The following TAAR5 variants were observed in gnomAD, a reference collection of about 807,000 sequenced individuals.
TAAR5 encodes trace amine-associated receptor 5.
TAAR5 carries 27 observed loss-of-function variants against 21.1 expected under a neutral mutation model. The observed-to-expected ratio is 1.28, with a 90% CI of 0.94 to 1.76. TAAR5 has a LOEUF of 1.76. Ranked by LOEUF, TAAR5 falls within the 40% of genes most tolerant of loss-of-function variation. The pLI, the probability that TAAR5 is intolerant of heterozygous loss-of-function variation, is 0.00. For synonymous variants in TAAR5, 203 were observed against 167.5 expected, an observed-to-expected ratio of 1.21 and a Z score of -1.64; for missense variants, 495 against 405.6, an observed-to-expected ratio of 1.22 and a Z score of -1.89.
the TAAR5 span, among the ~76,000 whole-genome samples, chr6:132,605,460 G>T: frequency 6.6e-6 from 1 of 152,218 alleles, no homozygotes; most frequent in East Asian, 1.9e-4. Flanking sequence ...ATTACTGCAC[G>T]CCTATCTAGG....
the TAAR5 span, among the ~76,000 whole-genome samples, chr6:132,601,075 AGGAG>A: frequency 7.5e-6 from 1 of 134,032 alleles, no homozygotes. Context: ...GAAGGAAGGA[AGGAG>A]GGAAGGAAGG....
At chr6:132,614,687 T>G in the TAAR5 span, among the ~76,000 whole-genome samples, 1 of 152,214 alleles carries the variant, frequency 6.6e-6, no homozygotes, top group African/African-American at 2.4e-5. Context: ...AGGTATATGA[T>G]TCATATATAA....
the TAAR5 span, among the ~76,000 whole-genome samples, chr6:132,601,286 C>A: frequency 6.6e-6 from 1 of 152,152 alleles, no homozygotes; most frequent in South Asian, 2.1e-4. Flanking sequence ...GAATTAAATA[C>A]AAAATTCAAA....
At position 132,589,397 on chromosome 6, in the gene TAAR5, T is replaced by C. The variant is rs775814059; in HGVS notation, c.290A>G (p.Glu97Gly). 1 of 1,613,992 alleles carries C rather than the reference T, an allele frequency of 6.2e-7. No homozygotes were observed. Among genetic ancestry groups the C allele is most frequent in the Non-Finnish European group, 8.5e-7 (1 of 1,179,954 alleles). The part of the protein sequence containing the change: ...VLPLSTIRSV[E>G]SCWFFGDFLC... The stretch of plus-strand genomic sequence containing the variant: ...GAAGTCCCCGAAGAACCAGCAGCTC[T>C]CCACTGAGCGAATGGTGCTGAGGGG... The change falls in exon 1 of 1, where the codon GAG becomes GGG. Residue 97 changes from glutamate to glycine, a missense_variant. Physicochemically the swap from Glu to Gly is moderately conservative, Grantham distance 98 (BLOSUM62 -2). Coordinates refer to ENST00000258034, the MANE Select transcript of TAAR5 (RefSeq NM_003967.3).
rs1410523631 is a variant in TAAR5, at chr6:132,589,591, G to A, written c.96C>T (p.Gly32=). The A allele has an allele frequency of 2.5e-6, 4 of 1,613,872 alleles. 1 individual carries two copies. The highest frequency in any genetic ancestry group is 1.1e-5 in the South Asian group (1 of 91,052). ...GSCPRTVHTL[G]IQLVIYLACA... is the part of the protein sequence containing the mutation. Reference sequence around the variant, plus strand: ...AGGCCAGGTAGATGACCAACTGGATGCCCAGAGTATGTACTGTCCTGGGGC... The same window carrying A: ...AGGCCAGGTAGATGACCAACTGGATACCCAGAGTATGTACTGTCCTGGGGC... Residue 32 remains glycine, a synonymous_variant, in exon 1 of 1, where the codon GGC becomes GGT. Transcript: ENST00000258034.
the TAAR5 span, among the ~76,000 whole-genome samples, chr6:132,602,011 T>C: frequency 6.6e-6 from 1 of 152,322 alleles, no homozygotes; most frequent in East Asian, 1.9e-4. Flanking sequence ...ATTTTTTGAA[T>C]GAATGTGCTG....
chr6:132,601,970 T>A, the TAAR5 span, among the ~76,000 whole-genome samples: 7 of 152,188 alleles, frequency 4.6e-5, no homozygotes, highest in African/African-American at 1.7e-4. Context: ...GTGTAGACTT[T>A]GACTCTTTTT....
the TAAR5 span, chr6:132,609,388 A>G: frequency 1.8e-5 from 3 of 170,288 alleles, no homozygotes; most frequent in African/African-American, 7.2e-5. Context: ...GTTCAAAGTT[A>G]TCTATTATTA....
At chr6:132,593,279 T>G (rs1448092753), upstream of TAAR5, among the ~76,000 whole-genome samples, 2 of 152,180 alleles carry the variant, frequency 1.3e-5, no homozygotes, top group African/African-American at 4.8e-5. Context: ...CATATTACCC[T>G]GTAGTGTAAC....
chr6:132,605,741 C>A, the TAAR5 span, among the ~76,000 whole-genome samples: 25 of 152,126 alleles, frequency 1.6e-4, no homozygotes, highest in Admixed American at 2.6e-4. Flanking sequence ...TGTAACAAAC[C>A]TGCACATGTA....
the TAAR5 span, among the ~76,000 whole-genome samples, chr6:132,614,512 A>G: frequency 6.6e-6 from 1 of 152,242 alleles, no homozygotes; most frequent in African/African-American, 2.4e-5. Flanking sequence ...TTTGAAGAAG[A>G]GAATAAATCA....
the TAAR5 span, among the ~76,000 whole-genome samples, chr6:132,600,787 GGGAAGGAGGGGAGGAA>G: frequency 8.2e-6 from 1 of 122,672 alleles, no homozygotes; most frequent in African/African-American, 3.3e-5. Flanking sequence ...GAGGGAAGGA[GGGAAGGAGGGGAGGAA>G]GGAAGGAAGG....
At chr6:132,610,325 A>G in the TAAR5 span, among the ~76,000 whole-genome samples, 1 of 152,160 alleles carries the variant, frequency 6.6e-6, no homozygotes, top group African/African-American at 2.4e-5. Context: ...AAGCAGGCCC[A>G]ATCTTGAGTG....
the TAAR5 span, chr6:132,608,534 T>A: frequency 2.2e-6 from 1 of 455,986 alleles, no homozygotes; most frequent in Admixed American, 2.3e-5. Flanking sequence ...CTGTCCTTTT[T>A]CTTGGATAGG....
chr6:132,598,425 C>T, the TAAR5 span, among the ~76,000 whole-genome samples: 4 of 151,902 alleles, frequency 2.6e-5, no homozygotes, highest in Non-Finnish European at 5.9e-5. Context: ...TCTCCTTTGG[C>T]TTGCCAAAAT....
upstream of TAAR5, chr6:132,589,762 AAAAAAAAAAAAAAAT>A (rs1410347972): frequency 2.0e-6 from 2 of 1,018,132 alleles, no homozygotes; most frequent in East Asian, 2.8e-5. Flanking sequence ...AAAAAAAAAA[AAAAAAAAAAAAAAAT>A]ATGTCTGCTA....
At chr6:132,602,434 G>A in the TAAR5 span, among the ~76,000 whole-genome samples, 3 of 151,950 alleles carry the variant, frequency 2.0e-5, no homozygotes, top group Admixed American at 6.6e-5. Flanking sequence ...AGCTACATCC[G>A]TTGCATGCGC....
In TAAR5 at chr6:132,589,146, G is replaced by T. The variant is rs773832799; in HGVS notation, c.541C>A (p.Gln181Lys). The T allele has an allele frequency of 1.6e-5, 25 of 1,611,600 alleles. No homozygotes were observed. Among genetic ancestry groups the T allele is most frequent in the Non-Finnish European group, 2.0e-5 (24 of 1,178,726 alleles). ...YTDVVETRLS[Q>K]WLEEMPCVGS... ...ACACAAGGCATCTCTTCCAGCCACTGGCTGAGCCTTGTCTCTACCACATCT... is the reference window on the plus strand; with the variant it reads ...ACACAAGGCATCTCTTCCAGCCACTTGCTGAGCCTTGTCTCTACCACATCT... Residue 181 changes from glutamine (Q) to lysine (K), a missense_variant, in exon 1 of 1, where the codon CAG becomes AAG. Coordinates refer to ENST00000258034, the MANE Select transcript of TAAR5 (RefSeq NM_003967.3).
At chr6:132,591,901 C>A (rs1776912519), upstream of TAAR5, among the ~76,000 whole-genome samples, 1 of 152,202 alleles carries the variant, frequency 6.6e-6, no homozygotes, top group African/African-American at 2.4e-5. Flanking sequence ...GTGTCACAAT[C>A]TTGTGAATAT....
Sources: allele counts gnomAD v4.1 joint callset (sites outside exome capture counted in the v4.1 genomes callset), GRCh38; gene constraint gnomAD v4.1.1; transcripts MANE v1.5; gene names NCBI Gene and HGNC (gene_info 2026-07-23, HGNC 2026-07-21).